Variants in CDH12 observed in about 807,000 individuals in gnomAD.
CDH12 encodes the protein cadherin 12.
In CDH12, 41 loss-of-function variants were observed where a neutral mutation model predicts 74.1. The ratio of observed to expected loss-of-function variants is 0.55; its 90% CI spans 0.43 to 0.72. The LOEUF (loss-of-function observed/expected upper bound fraction) is 0.72. Among genes scored for constraint, CDH12 ranks in the 30% least tolerant of loss-of-function variants. CDH12 has a pLI of 0.00. For missense variants in CDH12, 945 were observed against 977.2 expected, an observed-to-expected ratio of 0.97 and a Z score of 0.44; for synonymous variants, 399 against 355.0, an observed-to-expected ratio of 1.12 and a Z score of -1.39.
chr5:22,304,334 A>G (rs1738015382), intron 3 of CDH12, among the ~76,000 whole-genome samples: 2 of 152,130 alleles, frequency 1.3e-5, no homozygotes, highest in Admixed American at 1.3e-4. Context: ...AGCTCTTTCT[A>G]TGAAAGAAAG....
At chr5:21,880,775 T>C (rs929255913) in intron 6 of CDH12, among the ~76,000 whole-genome samples, 35 of 151,500 alleles carry the variant, frequency 2.3e-4, no homozygotes, top group Admixed American at 2.1e-3. Flanking sequence ...TGACGTCTAA[T>C]AGAAAGTAGA....
intron 1 of CDH12, among the ~76,000 whole-genome samples, chr5:22,721,549 A>G (rs1405434306): frequency 6.6e-6 from 1 of 152,144 alleles, no homozygotes; most frequent in Non-Finnish European, 1.5e-5. Context: ...TGGACTATGG[A>G]CTTTCGAGTT....
chr5:22,480,989 T>C lies in CDH12; in HGVS notation c.-428+24281A>G, dbSNP rs894900378. Among the ~76,000 whole-genome samples the C allele has an allele frequency of 3.3e-5, 5 of 152,344 alleles. No individual in the cohort carries two copies. In the South Asian group the frequency reaches 6.2e-4, roughly 19 times the overall value. Reference sequence around the variant, plus strand: ...TGTATTTTTATCAATCAAGGTAAAATATGTTATTTAGTCTTTGTGGGTTAT... The same window carrying C: ...TGTATTTTTATCAATCAAGGTAAAACATGTTATTTAGTCTTTGTGGGTTAT... On this transcript the variant is annotated intron_variant, in intron 2 of 14. Transcript: ENST00000382254.
chr5:22,468,381 T>C (rs894703640), intron 2 of CDH12, among the ~76,000 whole-genome samples: 1 of 152,216 alleles, frequency 6.6e-6, no homozygotes, highest in Non-Finnish European at 1.5e-5. Context: ...TATTCAATAA[T>C]GTGGCTTCTC....
chr5:22,583,334 G>T (rs1050558082), intron 1 of CDH12, among the ~76,000 whole-genome samples: 1 of 152,070 alleles, frequency 6.6e-6, no homozygotes, highest in East Asian at 1.9e-4. Context: ...GTTTTAAAAT[G>T]CTGTTAATAG....
At chr5:21,789,951 C>A (rs2149906091) in intron 10 of CDH12, among the ~76,000 whole-genome samples, 1 of 152,122 alleles carries the variant, frequency 6.6e-6, no homozygotes, top group Non-Finnish European at 1.5e-5. Context: ...TGCACAGATC[C>A]TATTCTTCCT....
intron 6 of CDH12, among the ~76,000 whole-genome samples, chr5:21,899,825 G>A (rs1753300923): frequency 6.6e-6 from 1 of 151,410 alleles, no homozygotes; most frequent in Admixed American, 6.6e-5. Flanking sequence ...ACTAAATGCT[G>A]TGTGTTTATT....
At chr5:22,453,223 T>C (rs1251827822) in intron 2 of CDH12, among the ~76,000 whole-genome samples, 50 of 152,086 alleles carry the variant, frequency 3.3e-4, no homozygotes, top group Non-Finnish European at 1.2e-4. Context: ...TCCCACAATT[T>C]CACTCCTGGG....
chr5:22,308,938 AGAGAGAGAG>A (rs538855640), intron 3 of CDH12, among the ~76,000 whole-genome samples: 501 of 21,112 alleles, frequency 0.024, 6 homozygotes, highest in African/African-American at 0.042. Context: ...AGAGAAAGAG[AGAGAGAGAG>A]GAGAGAGAGG....
At chr5:22,650,012 A>T (rs556290267) in intron 1 of CDH12, among the ~76,000 whole-genome samples, 1 of 152,050 alleles carries the variant, frequency 6.6e-6, no homozygotes, top group Non-Finnish European at 1.5e-5. Context: ...GGGTGTCTAT[A>T]TAACATAAAT....
At chr5:21,778,714 C>T (rs1308655716) in intron 11 of CDH12, among the ~76,000 whole-genome samples, 1 of 151,808 alleles carries the variant, frequency 6.6e-6, no homozygotes, top group Admixed American at 6.6e-5. Context: ...AATTGTAATG[C>T]CCTTAAGAAT....
At position 22,590,388 on chromosome 5, in the gene CDH12, G is replaced by GAT. The variant is rs1171974010; in HGVS notation, c.-522-85026_-522-85025dup. ...ACAATGACACATGGAATTACCACTT[G>GAT]ATATATCCTATGATTAAAAAAACAT... On this transcript the variant is annotated intron_variant, in intron 1 of 14. Coordinates refer to ENST00000382254, the MANE Select transcript of CDH12 (RefSeq NM_004061.5). 3.9e-5 allele frequency among the ~76,000 whole-genome samples: 6 copies of GAT among 152,006 alleles called. No homozygotes were observed. In the East Asian group the frequency reaches 1.2e-3, roughly 29 times the overall value.
chr5:22,141,321 C>T (rs1159362349), intron 4 of CDH12: 1 of 152,146 alleles, frequency 6.6e-6, no homozygotes, highest in African/African-American at 2.4e-5. Context: ...GTTATACTAT[C>T]TATGTGAGTA....
At chr5:22,846,332 C>T (rs1452252448) in intron 1 of CDH12, among the ~76,000 whole-genome samples, 1 of 151,988 alleles carries the variant, frequency 6.6e-6, no homozygotes, top group Non-Finnish European at 1.5e-5. Context: ...GAAGTAAAGG[C>T]ATAGATTTGG....
At chr5:21,851,608 A>T (rs893267905) in intron 7 of CDH12, among the ~76,000 whole-genome samples, 1 of 151,302 alleles carries the variant, frequency 6.6e-6, no homozygotes, top group Non-Finnish European at 1.5e-5. Flanking sequence ...CATCTAAAGC[A>T]TATAAATGAA....
rs531857212 is a variant in CDH12 at position 22,650,228 on chromosome 5, A to T, written c.-522-144864T>A. Reference sequence around the variant, plus strand: ...TATCATAGAGAGTGGACAGAGAGGCAAAATCTTTGGGAAGATGCACACAGG... The same window carrying T: ...TATCATAGAGAGTGGACAGAGAGGCTAAATCTTTGGGAAGATGCACACAGG... On this transcript the variant is annotated intron_variant, in intron 1 of 14. Transcript: ENST00000382254. 1.1e-4 allele frequency among the ~76,000 whole-genome samples: 17 copies of T among 152,162 alleles called. No individual in the cohort carries two copies. In the South Asian group the frequency reaches 2.5e-3, roughly 22 times the overall value.
chr5:21,954,408 G>A (rs1441909736), intron 6 of CDH12, among the ~76,000 whole-genome samples: 2 of 151,962 alleles, frequency 1.3e-5, no homozygotes, highest in Non-Finnish European at 2.9e-5. Context: ...GCATGTGAGA[G>A]CTTCTAATAT....
chr5:22,066,986 A>T (rs1013285007), intron 5 of CDH12, among the ~76,000 whole-genome samples: 1 of 152,014 alleles, frequency 6.6e-6, no homozygotes, highest in Non-Finnish European at 1.5e-5. Context: ...TAGCACATAA[A>T]TTTTCTCCAT....
intron 7 of CDH12, among the ~76,000 whole-genome samples, chr5:21,850,306 G>A (rs1336191928): frequency 6.6e-6 from 1 of 151,300 alleles, no homozygotes; most frequent in Non-Finnish European, 1.5e-5. Flanking sequence ...AACTTTCTTT[G>A]CCATGAGGAG....
Sources: allele counts gnomAD v4.1 joint callset (sites outside exome capture counted in the v4.1 genomes callset), GRCh38; gene constraint gnomAD v4.1.1; transcripts MANE v1.5; gene names NCBI Gene and HGNC (gene_info 2026-07-23, HGNC 2026-07-21).